WDR25: variants seen among roughly 807,000 people sequenced by gnomAD.
WDR25 encodes the protein WD repeat domain 25.
WDR25 carries 35 observed loss-of-function variants against 47.7 expected under a neutral mutation model. The ratio of observed to expected loss-of-function variants is 0.73; its 90% confidence interval spans 0.56 to 0.97. The LOEUF (loss-of-function observed/expected upper bound fraction) is 0.97, where lower values mean the gene tolerates loss of function less well. Ranked by LOEUF, WDR25 falls within the 50% of genes least tolerant of loss-of-function variation. The pLI is 0.00. For synonymous variants in WDR25, 248 were observed against 278.9 expected (o/e 0.89, Z 1.10); for missense variants, 634 against 704.7 (o/e 0.90, Z 1.14).
At position 100,431,990 on chromosome 14, in the gene WDR25, G is replaced by A. The variant is rs545414192; in HGVS notation, c.823-36031G>A. On this transcript the variant is annotated intron_variant, in intron 2 of 6. Transcript: ENST00000402312. ...CTCCCAAAGTGCTGGGATTACAGGC[G>A]TGAGCCACCGCACCCAGCCTTGTTG... Among the ~76,000 whole-genome samples, 12 of 152,320 alleles carry A rather than the reference G, an allele frequency of 7.9e-5. No homozygotes were observed. The East Asian group carries it at 1.7e-3, about 22-fold the overall frequency.
At chr14:100,475,351 A>G (rs1899982578) in intron 3 of WDR25, among the ~76,000 whole-genome samples, 1 of 152,232 alleles carries the variant, frequency 6.6e-6, no homozygotes, top group Non-Finnish European at 1.5e-5. Flanking sequence ...AGCACTGTTC[A>G]CAGTAGCCAA....
chr14:100,464,563 A>G (rs908625173), intron 2 of WDR25, among the ~76,000 whole-genome samples: 2 of 149,734 alleles, frequency 1.3e-5, no homozygotes, highest in African/African-American at 5.0e-5. Context: ...TTCAGAGGAA[A>G]CATTTGGGCA....
chr14:100,406,745 A>C (rs1449024546), intron 2 of WDR25: 1 of 152,316 alleles, frequency 6.6e-6, no homozygotes. Context: ...CACACCCTGC[A>C]CTTCCTGCCT....
At chr14:100,503,137 T>C (rs1209130228) in intron 4 of WDR25, among the ~76,000 whole-genome samples, 1 of 151,894 alleles carries the variant, frequency 6.6e-6, no homozygotes, top group East Asian at 1.9e-4. Context: ...TGGTGGCCAG[T>C]GCAGGGCCTC....
intron 2 of WDR25, chr14:100,454,591 TA>T (rs1207995036): frequency 2.0e-6 from 1 of 501,246 alleles, no homozygotes; most frequent in Non-Finnish European, 3.6e-6. Context: ...GACAGACGTC[TA>T]CCCTCCAAAG....
chr14:100,486,637 T>G (rs1170855166), intron 4 of WDR25, among the ~76,000 whole-genome samples: 1 of 152,162 alleles, frequency 6.6e-6, no homozygotes, highest in African/African-American at 2.4e-5. Flanking sequence ...GACTCCCGCC[T>G]GGGGCTGCTC....
In WDR25 at chr14:100,530,133, G is replaced by C. The variant is rs1237156342; in HGVS notation, c.*92G>C. 5.9e-6 allele frequency: 8 copies of C among 1,354,092 alleles called. No homozygotes were observed. In the East Asian group the frequency reaches 1.9e-4, roughly 32 times the overall value. The allele number at this position is 1,354,092 out of a possible 1,614,324, so 83.9% of individuals were successfully genotyped here. ...ATGAGAGGAACGAGCACAGAGGTTGGCTGTGGGTCCTGGGTACCACCTTCT... is the reference window on the plus strand; with the variant it reads ...ATGAGAGGAACGAGCACAGAGGTTGCCTGTGGGTCCTGGGTACCACCTTCT... On this transcript the variant is annotated 3_prime_UTR_variant, in exon 7 of 7. Coordinates refer to ENST00000402312, the MANE Select transcript of WDR25 (RefSeq NM_001161476.3).
At chr14:100,376,780 C>A in intron 1 of WDR25, 1 of 1,213,754 alleles carries the variant, frequency 8.2e-7, no homozygotes, top group Non-Finnish European at 1.0e-6. Context: ...TTTCCACCCA[C>A]ACCAGACCCA....
rs59054583 is a variant in WDR25 at position 100,460,715 on chromosome 14, C to CA, written c.823-7297dup. Among the ~76,000 whole-genome samples, 603 of 149,966 alleles carry CA rather than the reference C, an allele frequency of 4.0e-3. 1 individual carries two copies. The highest frequency in any genetic ancestry group is 5.1e-3 in the Non-Finnish European group (344 of 67,340). On this transcript the variant is annotated intron_variant, in intron 2 of 6. Coordinates refer to ENST00000402312, the MANE Select transcript of WDR25 (RefSeq NM_001161476.3). Reference sequence around the variant, plus strand: ...ACTCCTTTAAACTGATAAGAGGCACCAAAAAAAAACATTAGCTCTAATGTC... The same window carrying CA: ...ACTCCTTTAAACTGATAAGAGGCACCAAAAAAAAAACATTAGCTCTAATGTC...
intron 4 of WDR25, among the ~76,000 whole-genome samples, chr14:100,516,965 CTGTCACCCAGG>C (rs1307492398): frequency 6.6e-6 from 1 of 150,694 alleles, no homozygotes. Flanking sequence ...GGATCTCACT[CTGTCACCCAGG>C]CTGAAGTGCA....
At chr14:100,378,583 C>T (rs953975256) in intron 1 of WDR25, among the ~76,000 whole-genome samples, 1 of 152,160 alleles carries the variant, frequency 6.6e-6, no homozygotes, top group Non-Finnish European at 1.5e-5. Context: ...CTTGGGTAGA[C>T]GGACACCTCA....
Position 100,529,689 on chromosome 14 carries a change from C to A in WDR25, c.1414-131C>A. On this transcript the variant is annotated intron_variant, in intron 6 of 6. Transcript: ENST00000402312. The surrounding 1 kb of genome is among the most constrained non-coding windows in gnomAD (Gnocchi z 5.1). The stretch of plus-strand genomic sequence containing the variant: ...ATGGGCGGGACCTGGGCTTTGGCCT[C>A]AGGGACACGAGGTGCGAAGCCCAGC... The A allele has an allele frequency of 9.4e-7, 1 of 1,059,158 alleles. No homozygotes were observed. Among genetic ancestry groups the A allele is most frequent in the Non-Finnish European group, 1.3e-6 (1 of 742,668 alleles). 65.6% of individuals were successfully genotyped at this position (1,059,158 alleles called of 1,614,324 possible). A position where few individuals can be genotyped will look rare whatever the true frequency, so the allele number is the denominator to read the frequency against.
intron 2 of WDR25, among the ~76,000 whole-genome samples, chr14:100,401,683 TA>T (rs2140172357): frequency 6.6e-6 from 1 of 152,290 alleles, no homozygotes; most frequent in East Asian, 1.9e-4. Flanking sequence ...TTTCTGATCC[TA>T]AAGGAAGAAA....
intron 3 of WDR25, 42 bp from the exon 4 acceptor site, chr14:100,483,952 C>T: frequency 6.3e-7 from 1 of 1,579,626 alleles, no homozygotes; most frequent in Non-Finnish European, 8.6e-7. Flanking sequence ...TGTTTTGTGA[C>T]CTAAGTACTT....
In WDR25 at chr14:100,459,945, T is replaced by TATAC. The variant is rs1566920424; in HGVS notation, c.823-8075_823-8074insTACA. On this transcript the variant is annotated intron_variant, in intron 2 of 6. Transcript: ENST00000402312. The stretch of plus-strand genomic sequence containing the variant: ...ATATATATATATATATATATACACA[T>TATAC]ACACATACACACACATATACACACA... Among the ~76,000 whole-genome samples the TATAC allele has an allele frequency of 2.7e-3, 228 of 83,786 alleles. 1 individual carries two copies. The highest frequency in any genetic ancestry group is 5.5e-3 in the Non-Finnish European group (199 of 36,132). 55.0% of individuals were successfully genotyped at this position (83,786 alleles called of 152,430 possible). A position where few individuals can be genotyped will look rare whatever the true frequency, so the allele number is the denominator to read the frequency against.
In WDR25 at chr14:100,502,915, G is replaced by C. The variant is rs1163718012; in HGVS notation, c.1101+18791G>C. ...GCACAACATATGAGGGAATGGTGAG[G>C]GTTTTTTGTTGCTGGAGAACACGCA... On this transcript the variant is annotated intron_variant, in intron 4 of 6. Transcript: ENST00000402312. The surrounding 1 kb of genome is among the most constrained non-coding windows in gnomAD (Gnocchi z 4.5). Among the ~76,000 whole-genome samples, 1 of 152,058 alleles carries C rather than the reference G, an allele frequency of 6.6e-6. No individual in the cohort carries two copies. Among genetic ancestry groups the C allele is most frequent in the Non-Finnish European group, 1.5e-5 (1 of 68,010 alleles).
intron 4 of WDR25, among the ~76,000 whole-genome samples, chr14:100,505,607 C>T (rs900675566): frequency 1.3e-5 from 2 of 152,124 alleles, no homozygotes. Flanking sequence ...ATCAACTTAT[C>T]TTTTTCTACA....
At chr14:100,435,768 G>A (rs1898481495) in intron 2 of WDR25, among the ~76,000 whole-genome samples, 1 of 152,228 alleles carries the variant, frequency 6.6e-6, no homozygotes, top group South Asian at 2.1e-4. Context: ...AAGTCCAGAT[G>A]GGGATCTTCA....
Position 100,415,253 on chromosome 14 carries a change from T to G in WDR25, c.822+33507T>G, listed in dbSNP as rs143764606. ...ATTTCTCTGAGGCTCACTTCTATTC[T>G]GTCCAGCAAGACAGGCAAAGAAATA... On this transcript the variant is annotated intron_variant, in intron 2 of 6. Coordinates refer to ENST00000402312, the MANE Select transcript of WDR25 (RefSeq NM_001161476.3). Among the ~76,000 whole-genome samples the G allele has an allele frequency of 3.8e-3, 584 of 152,350 alleles. 3 individuals are homozygous for G. The highest frequency in any genetic ancestry group is 0.013 in the African/African-American group (559 of 41,570).
Sources: gnomAD v4.1 joint callset for allele counts (sites outside exome capture counted in the v4.1 genomes callset) on GRCh38, gnomAD v4.1.1 for gene constraint, Gnocchi (gnomAD v3.1) non-coding constraint, MANE v1.5 for transcripts, NCBI Gene and HGNC (gene_info 2026-07-23, HGNC 2026-07-21) for gene names.